The following ASXL3 variants were observed in gnomAD, a reference collection of about 807,000 sequenced individuals.
ASXL3 encodes putative Polycomb group protein ASXL3.
Under a neutral mutation model 170.6 loss-of-function variants are expected in ASXL3, and 34 were observed. The ratio of observed to expected loss-of-function variants is 0.20; its 90% CI spans 0.15 to 0.27. The LOEUF is 0.27. Ranked by LOEUF, ASXL3 falls within the 10% of genes least tolerant of loss-of-function variation. The probability of loss-of-function intolerance (pLI) is 1.00; values close to 1 mark genes in which losing one functional copy is unlikely to be tolerated. For missense variants in ASXL3, 2,592 were observed against 2,695.3 expected (o/e 0.96, Z 0.85); for synonymous variants, 1,002 against 989.1 (o/e 1.01, Z -0.24).
chr18:33,664,263 G>T (rs138053922), intron 5 of ASXL3, among the ~76,000 whole-genome samples: 2 of 152,130 alleles, frequency 1.3e-5, no homozygotes, highest in Non-Finnish European at 2.9e-5. Flanking sequence ...ATCCAGAACC[G>T]TAGTTTCAGA....
At chr18:33,583,333 A>G (rs2065008708) in intron 1 of ASXL3, among the ~76,000 whole-genome samples, 1 of 152,212 alleles carries the variant, frequency 6.6e-6, no homozygotes, top group Non-Finnish European at 1.5e-5. Context: ...ATGTAGTTGG[A>G]TCATGAGCCT....
At chr18:33,740,861 C>T (rs2067650852) in intron 11 of ASXL3, among the ~76,000 whole-genome samples, 3 of 152,172 alleles carry the variant, frequency 2.0e-5, no homozygotes, top group African/African-American at 4.8e-5. Flanking sequence ...CTCTCTGTCA[C>T]TTATACTGAC....
intron 2 of ASXL3, among the ~76,000 whole-genome samples, chr18:33,629,746 C>G (rs1375333126): frequency 6.6e-6 from 1 of 151,958 alleles, no homozygotes; most frequent in East Asian, 1.9e-4. Context: ...TACATTTCTC[C>G]TCATGGGTAA....
At chr18:33,694,400 A>T (rs75432467) in intron 8 of ASXL3, among the ~76,000 whole-genome samples, 1 of 152,140 alleles carries the variant, frequency 6.6e-6, no homozygotes, top group East Asian at 1.9e-4. Context: ...AATGTCAACT[A>T]AAGTGGAGTC....
intron 2 of ASXL3, among the ~76,000 whole-genome samples, chr18:33,607,877 G>A (rs2065273599): frequency 6.6e-6 from 1 of 151,990 alleles, no homozygotes; most frequent in African/African-American, 2.4e-5. Context: ...ACGTTAGATG[G>A]ATTGATACAG....
At chr18:33,742,785 A>G (rs1157060591) in intron 11 of ASXL3, 103 bp from the exon 12 acceptor site, 1 of 1,425,042 alleles carries the variant, frequency 7.0e-7, no homozygotes, top group Admixed American at 2.8e-5. Flanking sequence ...GCATATTAGG[A>G]GAGAATGCAG....
chr18:33,584,153 AAG>A (rs2065015696), intron 1 of ASXL3, among the ~76,000 whole-genome samples: 1 of 152,150 alleles, frequency 6.6e-6, no homozygotes, highest in Non-Finnish European at 1.5e-5. Context: ...TAAGCAGGTG[AAG>A]AGAGAGCCTT....
chr18:33,641,050 C>T (rs899839832), intron 2 of ASXL3, among the ~76,000 whole-genome samples: 52 of 151,994 alleles, frequency 3.4e-4, no homozygotes, highest in Non-Finnish European at 4.4e-4. Context: ...TAGTGGCTCT[C>T]AATTATATTT....
intron 1 of ASXL3, among the ~76,000 whole-genome samples, chr18:33,602,187 T>C (rs577593837): frequency 3.9e-4 from 60 of 152,100 alleles, no homozygotes; most frequent in African/African-American, 1.4e-3. Context: ...TAATGCCTAA[T>C]TATCTGAGGT....
chr18:33,604,015 G>A lies in ASXL3; in HGVS notation c.55-3579G>A, dbSNP rs552468038. ...TTCTTAGCGAAACTCAGCAGTTTTA[G>A]GGGACTGTTTTTGAGGAAATGAATT... On this transcript the variant is annotated intron_variant, in intron 1 of 11. Coordinates refer to ENST00000269197, the MANE Select transcript of ASXL3 (RefSeq NM_030632.3). Among the ~76,000 whole-genome samples the A allele has an allele frequency of 4.6e-5, 7 of 152,122 alleles. No individual in the cohort carries two copies. In the East Asian group the frequency reaches 1.2e-3, roughly 25 times the overall value.
At chr18:33,670,616 T>C (rs1379900299) in intron 5 of ASXL3, 57 bp from the exon 6 acceptor site, 26 of 1,291,010 alleles carry the variant, frequency 2.0e-5, no homozygotes, top group Non-Finnish European at 1.1e-6. Flanking sequence ...TTAATTCAAT[T>C]ATGAGAAATT....
intron 4 of ASXL3, among the ~76,000 whole-genome samples, chr18:33,654,091 G>A (rs558328459): frequency 2.0e-5 from 3 of 152,044 alleles, no homozygotes; most frequent in African/African-American, 7.2e-5. Flanking sequence ...GTAGGAAAAC[G>A]TTTTCTTTTT....
At chr18:33,735,419 T>A (rs567367850) in intron 10 of ASXL3, among the ~76,000 whole-genome samples, 1 of 152,286 alleles carries the variant, frequency 6.6e-6, no homozygotes, top group South Asian at 2.1e-4. Flanking sequence ...TTAATTGCTG[T>A]GCCAGGATAT....
At chr18:33,636,125 C>T (rs1286529820) in intron 2 of ASXL3, among the ~76,000 whole-genome samples, 1 of 152,076 alleles carries the variant, frequency 6.6e-6, no homozygotes, top group Non-Finnish European at 1.5e-5. Context: ...GGATGGTAGC[C>T]AGAGCAGACA....
chr18:33,653,559 A>G (rs146998232), intron 4 of ASXL3, among the ~76,000 whole-genome samples: 1 of 152,214 alleles, frequency 6.6e-6, no homozygotes, highest in East Asian at 1.9e-4. Flanking sequence ...CATTGGCAGG[A>G]TATAGAACTT....
chr18:33,607,125 G>A (rs891999724), intron 1 of ASXL3, among the ~76,000 whole-genome samples: 3 of 151,884 alleles, frequency 2.0e-5, no homozygotes, highest in Non-Finnish European at 4.4e-5. Flanking sequence ...GTTCCTGTAT[G>A]CTTCTTTCAA....
chr18:33,738,385 T>A, intron 10 of ASXL3, 102 bp from the exon 11 acceptor site: 3 of 1,150,888 alleles, frequency 2.6e-6, no homozygotes, highest in Non-Finnish European at 3.6e-6. Context: ...TAAATGTAAT[T>A]TGATGCATTT....
At chr18:33,731,794 GC>G (rs2067451456) in intron 8 of ASXL3, among the ~76,000 whole-genome samples, 173 bp from the exon 9 acceptor site, 1 of 151,924 alleles carries the variant, frequency 6.6e-6, no homozygotes. Flanking sequence ...CCCTGCACAT[GC>G]TCTCGCTGGA....
chr18:33,743,593 A>G lies in ASXL3; in HGVS notation c.3745A>G (p.Ile1249Val). Residue 1249 changes from isoleucine (I) to valine (V), a missense_variant, in exon 12 of 12, where the codon ATT becomes GTT. This residue lies in a region of ASXL3 where 2,246 missense variants were observed against 2,219.6 expected (regional missense o/e 1.01). Transcript: ENST00000269197. ...TTGCAGCACTGCTATATCGGGAGCAATTAAAGAACATCCCTTTGTGAGTTC... is the reference window on the plus strand; with the variant it reads ...TTGCAGCACTGCTATATCGGGAGCAGTTAAAGAACATCCCTTTGTGAGTTC... ...SVCSTAISGA[I>V]KEHPFVSSVD... is the part of the protein sequence containing the mutation. The G allele has an allele frequency of 1.2e-6, 2 of 1,613,312 alleles. No homozygotes were observed. Among genetic ancestry groups the G allele is most frequent in the Non-Finnish European group, 1.7e-6 (2 of 1,179,882 alleles).
Sources: gnomAD v4.1 joint callset for allele counts (sites outside exome capture counted in the v4.1 genomes callset) on GRCh38, gnomAD v4.1.1 for gene constraint, gnomAD v4.1.1 regional missense constraint, MANE v1.5 for transcripts, NCBI Gene and HGNC (gene_info 2026-07-23, HGNC 2026-07-21) for gene names.